The following ERBB4 variants were observed in gnomAD, a reference collection of about 807,000 sequenced individuals.
The protein encoded by ERBB4 is erb-b2 receptor tyrosine kinase 4.
Under a neutral mutation model 158.0 loss-of-function variants are expected in ERBB4, and 42 were observed. The observed-to-expected ratio is 0.27, with a 90% CI of 0.21 to 0.34. The LOEUF is 0.34. Ranked by LOEUF, ERBB4 falls within the 10% of genes least tolerant of loss-of-function variation. The probability of loss-of-function intolerance (pLI) is 1.00; values close to 1 mark genes in which losing one functional copy is unlikely to be tolerated. For synonymous variants in ERBB4, 583 were observed against 558.7 expected (o/e 1.04, Z -0.61); for missense variants, 1,333 against 1,624.1 (o/e 0.82, Z 3.08).
At chr2:212,117,530 T>C (rs1190065490) in intron 2 of ERBB4, among the ~76,000 whole-genome samples, 1 of 152,186 alleles carries the variant, frequency 6.6e-6, no homozygotes, top group Non-Finnish European at 1.5e-5. Flanking sequence ...AGAATTCTCA[T>C]TTACTTGTTC....
intron 20 of ERBB4, among the ~76,000 whole-genome samples, chr2:211,481,629 C>T (rs971078884): frequency 7.9e-5 from 12 of 151,698 alleles, no homozygotes; most frequent in Admixed American, 3.3e-4. Context: ...TTACATACTC[C>T]GTGAGTATGT....
At chr2:211,439,331 T>C (rs568036977) in intron 20 of ERBB4, among the ~76,000 whole-genome samples, 5 of 152,302 alleles carry the variant, frequency 3.3e-5, no homozygotes, top group East Asian at 3.9e-4. Context: ...AAATAGTTAG[T>C]TGGTTTTTAA....
chr2:211,404,058 T>C (rs889462301), intron 25 of ERBB4, among the ~76,000 whole-genome samples: 3 of 152,148 alleles, frequency 2.0e-5, no homozygotes, highest in African/African-American at 7.2e-5. Context: ...ATTAGGTACA[T>C]AGATAAGAGA....
intron 4 of ERBB4, among the ~76,000 whole-genome samples, chr2:211,757,424 G>T (rs981549925): frequency 2.6e-5 from 4 of 152,114 alleles, no homozygotes; most frequent in Non-Finnish European, 4.4e-5. Flanking sequence ...AAATATATTA[G>T]GCAATTACTG....
At chr2:212,167,849 A>C (rs1037869975) in intron 1 of ERBB4, among the ~76,000 whole-genome samples, 1 of 152,134 alleles carries the variant, frequency 6.6e-6, no homozygotes, top group Non-Finnish European at 1.5e-5. Flanking sequence ...ACAGAAAACC[A>C]AACACCACAT....
At chr2:212,127,639 C>A (rs528191975) in intron 1 of ERBB4, among the ~76,000 whole-genome samples, 1 of 152,090 alleles carries the variant, frequency 6.6e-6, no homozygotes, top group Non-Finnish European at 1.5e-5. Flanking sequence ...TTTGAATCAG[C>A]TATTGTTAGT....
chr2:212,120,632 C>T (rs939346453), intron 2 of ERBB4, among the ~76,000 whole-genome samples: 4 of 152,112 alleles, frequency 2.6e-5, no homozygotes, highest in Admixed American at 6.6e-5. Context: ...CAAAACACTA[C>T]GACCTCACTA....
At chr2:212,023,567 T>G (rs1196399724) in intron 2 of ERBB4, among the ~76,000 whole-genome samples, 2 of 152,080 alleles carry the variant, frequency 1.3e-5, no homozygotes, top group Non-Finnish European at 2.9e-5. Flanking sequence ...AAATAATGAT[T>G]GAATCAGTGC....
At chr2:211,925,915 C>T (rs1038617779) in intron 3 of ERBB4, among the ~76,000 whole-genome samples, 1 of 151,784 alleles carries the variant, frequency 6.6e-6, no homozygotes, top group Non-Finnish European at 1.5e-5. Flanking sequence ...TGTATTTAAC[C>T]TTAACTCTAC....
chr2:211,673,141 A>G, intron 14 of ERBB4, 23 bp downstream of exon 14: 2 of 1,535,906 alleles, frequency 1.3e-6, no homozygotes, highest in Non-Finnish European at 1.8e-6. Flanking sequence ...AAGCCAACAC[A>G]CCACAGATGT....
At chr2:211,521,993 A>C (rs2066198844) in intron 20 of ERBB4, among the ~76,000 whole-genome samples, 1 of 152,158 alleles carries the variant, frequency 6.6e-6, no homozygotes, top group Admixed American at 6.5e-5. Context: ...AAAAATGTAC[A>C]AGAAGAACAT....
intron 14 of ERBB4, among the ~76,000 whole-genome samples, chr2:211,670,971 C>A (rs144145943): frequency 2.6e-5 from 4 of 151,836 alleles, no homozygotes; most frequent in Admixed American, 2.6e-4. Context: ...AGATGGTAAG[C>A]GAACATCAAG....
At chr2:211,540,713 T>G (rs2066782845) in intron 20 of ERBB4, among the ~76,000 whole-genome samples, 1 of 146,448 alleles carries the variant, frequency 6.8e-6, no homozygotes, top group Non-Finnish European at 1.5e-5. Context: ...TTTTAAATCC[T>G]GAATAGGGTC....
chr2:212,113,717 C>T (rs1032783588), intron 2 of ERBB4, among the ~76,000 whole-genome samples: 1 of 151,388 alleles, frequency 6.6e-6, no homozygotes, highest in Non-Finnish European at 1.5e-5. Flanking sequence ...AGTCATGCAA[C>T]TCAGCCAATA....
rs554512524 is a variant in ERBB4, at chr2:211,380,057, A to C, written c.*3558T>G. The C allele has an allele frequency of 2.5e-4, 57 of 232,026 alleles. No homozygotes were observed. Among genetic ancestry groups the C allele is most frequent in the Non-Finnish European group, 4.3e-4 (50 of 117,410 alleles). The allele number at this position is 232,026 out of a possible 1,614,324, so 14.4% of individuals were successfully genotyped here. A position where few individuals can be genotyped will look rare whatever the true frequency, so the allele number is the denominator to read the frequency against. ...ACTTAAACACTATTCCTTCTCTTAA[A>C]TTAGATATTCAGTCCTTCTCCCTAA... On this transcript the variant is annotated 3_prime_UTR_variant, in exon 28 of 28. Transcript: ENST00000342788.
chr2:211,964,300 G>T (rs544870314), intron 2 of ERBB4, among the ~76,000 whole-genome samples: 1 of 152,142 alleles, frequency 6.6e-6, no homozygotes, highest in East Asian at 1.9e-4. Context: ...CACAGCACTG[G>T]TATTTTATAT....
intron 1 of ERBB4, among the ~76,000 whole-genome samples, chr2:212,138,347 G>T (rs554212660): frequency 2.6e-5 from 4 of 152,248 alleles, no homozygotes; most frequent in Admixed American, 2.6e-4. Context: ...CATCTACAAT[G>T]GAAGAAATAT....
At chr2:211,713,279 A>T (rs2106085669) in intron 8 of ERBB4, among the ~76,000 whole-genome samples, 1 of 152,246 alleles carries the variant, frequency 6.6e-6, no homozygotes, top group African/African-American at 2.4e-5. Flanking sequence ...GTAACAGGCA[A>T]CTTTATTTCT....
intron 1 of ERBB4, among the ~76,000 whole-genome samples, chr2:212,358,079 G>C (rs556424432): frequency 6.6e-6 from 1 of 151,904 alleles, no homozygotes; most frequent in African/African-American, 2.4e-5. Context: ...AAATTTGCTT[G>C]ACAGGGAAAA....
Sources: allele counts gnomAD v4.1 joint callset (sites outside exome capture counted in the v4.1 genomes callset), GRCh38; gene constraint gnomAD v4.1.1; transcripts MANE v1.5; gene names NCBI Gene and HGNC (gene_info 2026-07-23, HGNC 2026-07-21).